The following STRN variants were observed in gnomAD, a reference collection of about 807,000 sequenced individuals.
STRN encodes protein phosphatase 2 regulatory subunit B'''alpha.
A neutral mutation model predicts 96.3 loss-of-function variants in STRN; 53 were observed. The ratio of observed to expected loss-of-function variants is 0.55; its 90% CI spans 0.44 to 0.69. The LOEUF is 0.69. Ranked by LOEUF, STRN falls within the 30% of genes least tolerant of loss-of-function variation. The pLI is 0.00. For synonymous variants in STRN, 428 were observed against 355.9 expected, an observed-to-expected ratio of 1.20 and a Z score of -2.28; for missense variants, 987 against 963.9, an observed-to-expected ratio of 1.02 and a Z score of -0.32.
Position 36,891,383 on chromosome 2 carries a change from G to A in STRN, c.931+2515C>T, listed in dbSNP as rs578156559. 3.0e-3 allele frequency among the ~76,000 whole-genome samples: 459 copies of A among 152,134 alleles called. 1 individual carries two copies. Among genetic ancestry groups the A allele is most frequent in the African/African-American group, 9.1e-3 (378 of 41,520 alleles). On this transcript the variant is annotated intron_variant, in intron 7 of 17. Coordinates refer to ENST00000263918, the MANE Select transcript of STRN (RefSeq NM_003162.4). The stretch of plus-strand genomic sequence containing the variant: ...CTCTACTAAAATACAAAAAATAGCC[G>A]GGCGTGGTGGCAGGCGCCTGTAATC...
chr2:36,854,668 A>T (rs1443237681), intron 15 of STRN, among the ~76,000 whole-genome samples: 6 of 152,212 alleles, frequency 3.9e-5, no homozygotes, highest in Non-Finnish European at 7.4e-5. Flanking sequence ...GTGATTGTCT[A>T]GATTATGGCT....
intron 10 of STRN, 75 bp downstream of exon 10, chr2:36,877,816 T>G (rs1668954590): frequency 3.5e-5 from 55 of 1,561,454 alleles, no homozygotes; most frequent in Non-Finnish European, 4.5e-5. Context: ...ATTACAGGCG[T>G]GAGCCACCGC....
chr2:36,863,747 G>A (rs901103080), intron 12 of STRN, among the ~76,000 whole-genome samples: 1 of 152,184 alleles, frequency 6.6e-6, no homozygotes, highest in Non-Finnish European at 1.5e-5. Context: ...ATTGCTTTGG[G>A]CAGTACGGCC....
At chr2:36,951,577 A>G (rs1411835621) in intron 1 of STRN, among the ~76,000 whole-genome samples, 1 of 152,210 alleles carries the variant, frequency 6.6e-6, no homozygotes, top group African/African-American at 2.4e-5. Context: ...TAAGGACACA[A>G]TTTAGCTGAC....
intron 15 of STRN, 126 bp downstream of exon 15, chr2:36,855,084 CTG>C (rs942589194): frequency 5.2e-6 from 5 of 962,916 alleles, no homozygotes; most frequent in Admixed American, 5.8e-5. Context: ...TTCTAAGTAA[CTG>C]TGTTCTGAAA....
intron 11 of STRN, 94 bp from the exon 12 acceptor site, chr2:36,867,955 T>C (rs1668671955): frequency 1.1e-6 from 1 of 929,640 alleles, no homozygotes; most frequent in Non-Finnish European, 1.6e-6. Context: ...ATACAAACAT[T>C]ATGGGAATAT....
chr2:36,841,290 G>C lies in STRN; in HGVS notation c.*8166C>G, dbSNP rs774414122. Reference sequence around the variant, plus strand: ...GTTGGGAGAAAGCCTGATTCCTTCTGACCCTGAGATATACAAGGAAACTGA... The same window carrying C: ...GTTGGGAGAAAGCCTGATTCCTTCTCACCCTGAGATATACAAGGAAACTGA... On this transcript the variant is annotated 3_prime_UTR_variant, in exon 18 of 18. Transcript: ENST00000263918. The C allele has an allele frequency of 6.6e-6, 1 of 151,694 alleles. No individual in the cohort carries two copies. The highest frequency in any genetic ancestry group is 1.5e-5 in the Non-Finnish European group (1 of 67,974). The allele number at this position is 151,694 out of a possible 1,614,324, so 9.4% of individuals were successfully genotyped here.
intron 9 of STRN, among the ~76,000 whole-genome samples, chr2:36,883,386 G>A (rs1039434569): frequency 6.6e-6 from 1 of 152,188 alleles, no homozygotes; most frequent in Admixed American, 6.5e-5. Context: ...GAACCTGGGA[G>A]GTGGAGGTTG....
At chr2:36,947,403 A>G (rs1664606678) in intron 1 of STRN, among the ~76,000 whole-genome samples, 1 of 151,886 alleles carries the variant, frequency 6.6e-6, no homozygotes, top group Admixed American at 6.6e-5. Flanking sequence ...TAAATACTAT[A>G]AAATGCTAGA....
rs1432294423 is a variant in STRN at position 36,843,145 on chromosome 2, GGT to G, written c.*6309_*6310del. On this transcript the variant is annotated 3_prime_UTR_variant, in exon 18 of 18. Transcript: ENST00000263918. ...CAGTTCTCATTAAAAAGATAAAAGA[GGT>G]GTTTCCAACACTACTGAAAATGTGT... Among the ~76,000 whole-genome samples the G allele has an allele frequency of 5.9e-5, 9 of 151,998 alleles. No homozygotes were observed. The highest frequency in any genetic ancestry group is 3.2e-3 in the Middle Eastern group (1 of 316).
chr2:36,862,991 G>C (rs993607643), intron 12 of STRN, among the ~76,000 whole-genome samples: 1 of 152,098 alleles, frequency 6.6e-6, no homozygotes, highest in African/African-American at 2.4e-5. Flanking sequence ...CCAAAGTGCT[G>C]GGATTATAAG....
chr2:36,920,301 C>T (rs1038896721), intron 2 of STRN, among the ~76,000 whole-genome samples: 1 of 152,028 alleles, frequency 6.6e-6, no homozygotes, highest in Non-Finnish European at 1.5e-5. Flanking sequence ...CAAATAGTGC[C>T]ATAACATCAA....
intron 9 of STRN, among the ~76,000 whole-genome samples, chr2:36,880,169 C>T (rs1202222647): frequency 1.3e-5 from 2 of 152,048 alleles, no homozygotes; most frequent in Non-Finnish European, 2.9e-5. Flanking sequence ...GGTTTTGCCA[C>T]GTTGGCCAGG....
At chr2:36,907,534 C>G (rs1234932390) in intron 3 of STRN, among the ~76,000 whole-genome samples, 1 of 151,392 alleles carries the variant, frequency 6.6e-6, no homozygotes, top group East Asian at 1.9e-4. Context: ...GGTGACAGAG[C>G]AAGACTCTGT....
At chr2:36,936,990 TC>T (rs1670716695) in intron 1 of STRN, among the ~76,000 whole-genome samples, 1 of 152,154 alleles carries the variant, frequency 6.6e-6, no homozygotes, top group South Asian at 2.1e-4. Context: ...AGTAAAATAC[TC>T]TGACAAAGAC....
chr2:36,878,561 A>G (rs1668976342), intron 9 of STRN, among the ~76,000 whole-genome samples: 1 of 152,134 alleles, frequency 6.6e-6, no homozygotes, highest in Admixed American at 6.5e-5. Context: ...GGTAGTGATT[A>G]AAGAAAGGAA....
chr2:36,940,406 T>A (rs1558662173), intron 1 of STRN, among the ~76,000 whole-genome samples: 1 of 151,936 alleles, frequency 6.6e-6, no homozygotes, highest in Non-Finnish European at 1.5e-5. Flanking sequence ...AACTGCAGAG[T>A]CTAATTAGTA....
Position 36,902,823 on chromosome 2 carries a change from GTATT to G in STRN, c.492-76_492-73del, listed in dbSNP as rs1035618421. Reference sequence around the variant, plus strand: ...TCTATAATTTAATATGTAAATAAAAGTATTTATTTAAACTCATTGCCTGCATAAG... The same window carrying G: ...TCTATAATTTAATATGTAAATAAAAGTATTTAAACTCATTGCCTGCATAAG... On this transcript the variant is annotated intron_variant, in intron 4 of 17. Transcript: ENST00000263918. 1.3e-5 allele frequency: 17 copies of G among 1,278,312 alleles called. 1 individual carries two copies. Among genetic ancestry groups the G allele is most frequent in the South Asian group, 1.2e-4 (7 of 60,374 alleles). The allele number at this position is 1,278,312 out of a possible 1,614,324, so 79.2% of individuals were successfully genotyped here. A position where few individuals can be genotyped will look rare whatever the true frequency, so the allele number is the denominator to read the frequency against.
chr2:36,901,356 T>G (rs1351387974), intron 5 of STRN, among the ~76,000 whole-genome samples: 1 of 152,044 alleles, frequency 6.6e-6, no homozygotes, highest in Non-Finnish European at 1.5e-5. Flanking sequence ...ATGGAGACCA[T>G]CCTGGCCAAC....
Sources: allele counts gnomAD v4.1 joint callset (sites outside exome capture counted in the v4.1 genomes callset), GRCh38; gene constraint gnomAD v4.1.1; transcripts MANE v1.5; gene names NCBI Gene and HGNC (gene_info 2026-07-23, HGNC 2026-07-21).